Variants in NRIP3 observed in about 807,000 individuals in gnomAD.
The protein encoded by NRIP3 is nuclear receptor interacting protein 3, also known as nuclear receptor-interacting protein 3.
In NRIP3, 31 loss-of-function variants were observed where a neutral mutation model predicts 29.0. The ratio of observed to expected loss-of-function variants is 1.07; its 90% confidence interval spans 0.80 to 1.44. The LOEUF (loss-of-function observed/expected upper bound fraction) is 1.44, where lower values mean the gene tolerates loss of function less well. Ranked by LOEUF, NRIP3 falls within the 40% of genes most tolerant of loss-of-function variation. The pLI is 0.00. For synonymous variants in NRIP3, 131 were observed against 118.3 expected (o/e 1.11, Z -0.70); for missense variants, 314 against 297.9 (o/e 1.05, Z -0.40).
chr11:9,000,726 G>A (rs755013052), intron 1 of NRIP3, among the ~76,000 whole-genome samples: 3 of 151,920 alleles, frequency 2.0e-5, no homozygotes, highest in Non-Finnish European at 4.4e-5. Context: ...ATTACAATAG[G>A]CAAATTTCCA....
At chr11:8,993,943 TTTAAA>T (rs1225233749) in intron 1 of NRIP3, among the ~76,000 whole-genome samples, 1 of 152,168 alleles carries the variant, frequency 6.6e-6, no homozygotes, top group Non-Finnish European at 1.5e-5. Context: ...TTTTAAAAGT[TTTAAA>T]TTATTTACAT....
At chr11:8,991,777 G>A (rs560114459) in intron 1 of NRIP3, among the ~76,000 whole-genome samples, 1 of 152,282 alleles carries the variant, frequency 6.6e-6, no homozygotes, top group South Asian at 2.1e-4. Flanking sequence ...TACCTAGACT[G>A]TTTCCTAGCC....
At chr11:8,992,772 G>A (rs780736422) in intron 1 of NRIP3, among the ~76,000 whole-genome samples, 1 of 151,986 alleles carries the variant, frequency 6.6e-6, no homozygotes, top group Non-Finnish European at 1.5e-5. Flanking sequence ...AAATTAGCCG[G>A]GCGTGGTGGT....
At position 9,003,764 on chromosome 11, in the gene NRIP3, T is replaced by C; in HGVS notation, c.172A>G (p.Met58Val). The change falls in exon 1 of 7, where the codon ATG becomes GTG. Residue 58 changes from methionine to valine, a missense_variant and splice_region_variant. Met to Val is a conservative substitution (Grantham distance 21). Transcript: ENST00000309166. ...CGAGAACGGCGGCGGGGGCTCACCA[T>C]GTCCTTGGACGAGCCCAGCTTCTTG... ...GLKKLGSSKDMQPHNILQRRL... is the reference protein window; with the variant it reads ...GLKKLGSSKDVQPHNILQRRL... The C allele has an allele frequency of 7.0e-7, 1 of 1,438,512 alleles. No individual in the cohort carries two copies. Among genetic ancestry groups the C allele is most frequent in the Non-Finnish European group, 9.2e-7 (1 of 1,087,810 alleles). The allele number at this position is 1,438,512 out of a possible 1,614,324, so 89.1% of individuals were successfully genotyped here. A position where few individuals can be genotyped will look rare whatever the true frequency, so the allele number is the denominator to read the frequency against.
chr11:9,001,194 C>T (rs182113740), intron 1 of NRIP3, among the ~76,000 whole-genome samples: 1 of 152,246 alleles, frequency 6.6e-6, no homozygotes, highest in African/African-American at 2.4e-5. Flanking sequence ...ATAATTTCCA[C>T]AGAAGACTTT....
At chr11:8,990,244 A>G (rs1854577478) in intron 1 of NRIP3, among the ~76,000 whole-genome samples, 1 of 152,146 alleles carries the variant, frequency 6.6e-6, no homozygotes, top group Non-Finnish European at 1.5e-5. Context: ...TGGTCTTTTT[A>G]AAAAAAGACT....
In NRIP3 at chr11:8,983,437, G is replaced by C. The variant is rs1488896986; in HGVS notation, c.*108C>G. The C allele has an allele frequency of 2.0e-6, 2 of 983,446 alleles. No individual in the cohort carries two copies. Among genetic ancestry groups the C allele is most frequent in the African/African-American group, 3.3e-5 (2 of 61,012 alleles). The allele number at this position is 983,446 out of a possible 1,614,324, so 60.9% of individuals were successfully genotyped here. A position where few individuals can be genotyped will look rare whatever the true frequency, so the allele number is the denominator to read the frequency against. ...CCCTGGAGCTTCTATTAGATGGAAG[G>C]ACTTGGTCCACAGCAAGTCACTACG... On this transcript the variant is annotated 3_prime_UTR_variant, in exon 7 of 7. Coordinates refer to ENST00000309166, the MANE Select transcript of NRIP3 (RefSeq NM_020645.3).
At position 9,001,280 on chromosome 11, in the gene NRIP3, T is replaced by C. The variant is rs369159128; in HGVS notation, c.174+2482A>G. On this transcript the variant is annotated intron_variant, in intron 1 of 6. Coordinates refer to ENST00000309166, the MANE Select transcript of NRIP3 (RefSeq NM_020645.3). Reference sequence around the variant, plus strand: ...GCCAAGAGAACATGACCCCCTTTGATTTCCTATGGTTGCCTTCTGCCAGTC... The same window carrying C: ...GCCAAGAGAACATGACCCCCTTTGACTTCCTATGGTTGCCTTCTGCCAGTC... Among the ~76,000 whole-genome samples the C allele has an allele frequency of 4.6e-5, 7 of 152,138 alleles. No homozygotes were observed. In the East Asian group the frequency reaches 5.8e-4, roughly 13 times the overall value.
At position 8,982,870 on chromosome 11, in the gene NRIP3, T is replaced by C. The variant is rs1173582723; in HGVS notation, c.*675A>G. On this transcript the variant is annotated 3_prime_UTR_variant, in exon 7 of 7. Coordinates refer to ENST00000309166, the MANE Select transcript of NRIP3 (RefSeq NM_020645.3). ...TTAACACATTCTCACCTCTTTGCCCTCCTGTTAAAGGCTTGAATACAAATG... is the reference window on the plus strand; with the variant it reads ...TTAACACATTCTCACCTCTTTGCCCCCCTGTTAAAGGCTTGAATACAAATG... The C allele has an allele frequency of 1.5e-5, 6 of 402,656 alleles. No homozygotes were observed. Among genetic ancestry groups the C allele is most frequent in the Admixed American group, 9.0e-5 (3 of 33,422 alleles). 24.9% of individuals were successfully genotyped at this position (402,656 alleles called of 1,614,324 possible). A position where few individuals can be genotyped will look rare whatever the true frequency, so the allele number is the denominator to read the frequency against.
chr11:8,986,421 G>A (rs1217461166), intron 3 of NRIP3, among the ~76,000 whole-genome samples: 1 of 152,184 alleles, frequency 6.6e-6, no homozygotes, highest in Non-Finnish European at 1.5e-5. Flanking sequence ...CTGTGCAGGG[G>A]AGGAAGGAAA....
Position 9,003,868 on chromosome 11 carries a change from A to T in NRIP3, c.68T>A (p.Leu23Gln). The T allele has an allele frequency of 6.6e-7, 1 of 1,521,242 alleles. No individual in the cohort carries two copies. The highest frequency in any genetic ancestry group is 1.4e-5 in the African/African-American group (1 of 69,636). The allele number at this position is 1,521,242 out of a possible 1,614,324, so 94.2% of individuals were successfully genotyped here. The change falls in exon 1 of 7, where the codon CTG becomes CAG. Residue 23 changes from leucine to glutamine, a missense_variant. Transcript: ENST00000309166. The part of the protein sequence containing the change: ...KETDMREAAS[L>Q]RQQRRMKQAV... ...CTGCTTCATCCGGCGCTGCTGTCGC[A>T]GTGACGCCGCCTCCCGCATGTCGGT...
chr11:8,983,113 A>G lies in NRIP3; in HGVS notation c.*432T>C, dbSNP rs757300727. On this transcript the variant is annotated 3_prime_UTR_variant, in exon 7 of 7. Transcript: ENST00000309166. ...GAAACTCTAATTCTAAGACATAGGT[A>G]TCCTGGCACCTGTTTGAAACAGCTG... 42 of 431,070 alleles carry G rather than the reference A, an allele frequency of 9.7e-5. No individual in the cohort carries two copies. In the Middle Eastern group the frequency reaches 1.2e-3, roughly 13 times the overall value. The allele number at this position is 431,070 out of a possible 1,614,324, so 26.7% of individuals were successfully genotyped here.
chr11:8,983,429 G>A lies in NRIP3; in HGVS notation c.*116C>T. On this transcript the variant is annotated 3_prime_UTR_variant, in exon 7 of 7. Transcript: ENST00000309166. ...GAAGGAGCCCCTGGAGCTTCTATTAGATGGAAGGACTTGGTCCACAGCAAG... is the reference window on the plus strand; with the variant it reads ...GAAGGAGCCCCTGGAGCTTCTATTAAATGGAAGGACTTGGTCCACAGCAAG... The A allele has an allele frequency of 2.2e-6, 2 of 892,158 alleles. No individual in the cohort carries two copies. Among genetic ancestry groups the A allele is most frequent in the Non-Finnish European group, 3.5e-6 (2 of 567,136 alleles). The allele number at this position is 892,158 out of a possible 1,614,324, so 55.3% of individuals were successfully genotyped here.
intron 1 of NRIP3, among the ~76,000 whole-genome samples, chr11:9,002,528 A>AAATTATACTGTGTGT (rs11273145): frequency 6.8e-6 from 1 of 147,688 alleles, no homozygotes. Flanking sequence ...GGGAGGAGAA[A>AAATTATACTGTGTGT]AATTTTTGTA....
In NRIP3 at chr11:8,981,830, C is replaced by T. The variant is rs1589956485; in HGVS notation, c.*1715G>A. ...TAGGTAGAGGCTGATAGGAAGGGGGCCTAGGGAATGACCCCATGACAACTG... is the reference window on the plus strand; with the variant it reads ...TAGGTAGAGGCTGATAGGAAGGGGGTCTAGGGAATGACCCCATGACAACTG... On this transcript the variant is annotated 3_prime_UTR_variant, in exon 7 of 7. Coordinates refer to ENST00000309166, the MANE Select transcript of NRIP3 (RefSeq NM_020645.3). 1 of 152,132 alleles carries T rather than the reference C, an allele frequency of 6.6e-6. No individual in the cohort carries two copies. Among genetic ancestry groups the T allele is most frequent in the African/African-American group, 2.4e-5 (1 of 41,418 alleles). The allele number at this position is 152,132 out of a possible 1,614,324, so 9.4% of individuals were successfully genotyped here.
At chr11:8,984,768 G>A (rs913199913) in intron 4 of NRIP3, among the ~76,000 whole-genome samples, 1 of 151,692 alleles carries the variant, frequency 6.6e-6, no homozygotes, top group Non-Finnish European at 1.5e-5. Flanking sequence ...GAGTAAGTAA[G>A]TTGCTCTCTG....
rs1385320778 is a variant in NRIP3, at chr11:8,987,540, C to T, written c.422+8G>A. The T allele has an allele frequency of 3.1e-6, 5 of 1,607,910 alleles. No individual in the cohort carries two copies. The highest frequency in any genetic ancestry group is 3.4e-6 in the Non-Finnish European group (4 of 1,174,404). On this transcript the variant is annotated splice_region_variant and intron_variant, in intron 3 of 6. Transcript: ENST00000309166. ...TCTAAGTTCCACTCAGCACAAGTGC[C>T]TACTTACCCCAATCTGTCCACACAG...
intron 2 of NRIP3, among the ~76,000 whole-genome samples, chr11:8,987,890 T>A (rs980061041): frequency 2.0e-5 from 3 of 152,198 alleles, no homozygotes; most frequent in Non-Finnish European, 2.9e-5. Context: ...TAATCTTTTT[T>A]AAAAAAATCA....
chr11:8,993,673 G>A (rs1314800990), intron 1 of NRIP3, among the ~76,000 whole-genome samples: 1 of 151,912 alleles, frequency 6.6e-6, no homozygotes, highest in East Asian at 1.9e-4. Context: ...GCCAGGCATG[G>A]TAGTGCACGC....
Sources: gnomAD v4.1 joint callset for allele counts (sites outside exome capture counted in the v4.1 genomes callset) on GRCh38, gnomAD v4.1.1 for gene constraint, MANE v1.5 for transcripts, NCBI Gene and HGNC (gene_info 2026-07-23, HGNC 2026-07-21) for gene names.